Variants in COL25A1 observed in about 807,000 individuals in gnomAD.
COL25A1 encodes the protein collagen type XXV alpha 1 chain, also known as collagen alpha-1(XXV) chain.
In COL25A1, 103 loss-of-function variants were observed where a neutral mutation model predicts 128.4. That is an observed-to-expected ratio of 0.80 (90% CI 0.68 to 0.94). COL25A1 has a LOEUF of 0.94. Ranked by LOEUF, COL25A1 falls within the 40% of genes least tolerant of loss-of-function variation. The pLI, the probability that COL25A1 is intolerant of heterozygous loss-of-function variation, is 0.00. For synonymous variants in COL25A1, 279 were observed against 277.2 expected (o/e 1.01, Z -0.06); for missense variants, 745 against 840.0 (o/e 0.89, Z 1.40).
chr4:109,281,690 A>G (rs1324072550), intron 3 of COL25A1, among the ~76,000 whole-genome samples: 1 of 152,146 alleles, frequency 6.6e-6, no homozygotes, highest in Non-Finnish European at 1.5e-5. Flanking sequence ...TATATGCACA[A>G]AGCTCAATAG....
intron 3 of COL25A1, among the ~76,000 whole-genome samples, chr4:109,258,029 CATT>C (rs752708337): frequency 1.3e-5 from 2 of 152,174 alleles, no homozygotes; most frequent in Non-Finnish European, 2.9e-5. Context: ...TATAAATCAT[CATT>C]GATGCCTTCT....
chr4:109,257,987 T>TA (rs1781186215), intron 3 of COL25A1, among the ~76,000 whole-genome samples: 1 of 152,312 alleles, frequency 6.6e-6, no homozygotes, highest in East Asian at 1.9e-4. Flanking sequence ...GACCACCTGT[T>TA]AGTGATATCC....
At position 108,848,795 on chromosome 4, in the gene COL25A1, C is replaced by T. The variant is rs1735409873; in HGVS notation, c.1398G>A (p.Gln466=). The change falls in exon 27 of 38, where the codon CAG becomes CAA. Residue 466 remains glutamine (Q), a synonymous_variant. Coordinates refer to ENST00000399132, the MANE Select transcript of COL25A1 (RefSeq NM_198721.4). ...CCATTCCTGGGATTCCTGGAGATCC[C>T]TGCTCTCCCTATTAAGATAAAAATA... The part of the protein sequence containing the change: ...PQGLQGPKGE[Q]GSPGIPGMDG... 6.2e-7 allele frequency: 1 copy of T among 1,605,906 alleles called. No individual in the cohort carries two copies. The highest frequency in any genetic ancestry group is 8.5e-7 in the Non-Finnish European group (1 of 1,172,886).
At chr4:108,929,360 G>A (rs967608634) in intron 11 of COL25A1, among the ~76,000 whole-genome samples, 2 of 151,956 alleles carry the variant, frequency 1.3e-5, no homozygotes, top group Non-Finnish European at 2.9e-5. Flanking sequence ...CTGACCTCAG[G>A]TAATTCACCC....
chr4:109,014,447 G>A (rs1194150375), intron 5 of COL25A1, among the ~76,000 whole-genome samples: 1 of 152,154 alleles, frequency 6.6e-6, no homozygotes, highest in Non-Finnish European at 1.5e-5. Context: ...GTTTAGTATA[G>A]TTGTGATATT....
At chr4:108,914,599 C>T (rs921818603) in intron 13 of COL25A1, among the ~76,000 whole-genome samples, 1 of 151,316 alleles carries the variant, frequency 6.6e-6, no homozygotes, top group Non-Finnish European at 1.5e-5. Flanking sequence ...ATGAGGAATT[C>T]ACCTGGCTTT....
At chr4:109,124,796 TA>T (rs963020239) in intron 3 of COL25A1, among the ~76,000 whole-genome samples, 2 of 151,900 alleles carry the variant, frequency 1.3e-5, no homozygotes, top group Admixed American at 6.6e-5. Context: ...AATTCATTCT[TA>T]AAAAAATCAC....
intron 31 of COL25A1, among the ~76,000 whole-genome samples, chr4:108,837,170 A>T (rs1359740828): frequency 6.6e-6 from 1 of 152,238 alleles, no homozygotes; most frequent in African/African-American, 2.4e-5. Flanking sequence ...CATATGGTGG[A>T]TGTATGTAAG....
At chr4:109,042,072 A>AT (rs1245936377) in intron 5 of COL25A1, among the ~76,000 whole-genome samples, 1 of 151,998 alleles carries the variant, frequency 6.6e-6, no homozygotes, top group Non-Finnish European at 1.5e-5. Flanking sequence ...TAAAATTTTA[A>AT]TTTTTTTACT....
intron 29 of COL25A1, 110 bp from the exon 30 acceptor site, chr4:108,844,679 G>C: frequency 0.013 from 14,908 of 1,114,122 alleles, no homozygotes; most frequent in Non-Finnish European, 0.017. Context: ...TGGAGAGGAA[G>C]AAAGATACTA....
chr4:108,877,558 C>G (rs930394560), intron 19 of COL25A1, among the ~76,000 whole-genome samples: 1 of 152,030 alleles, frequency 6.6e-6, no homozygotes, highest in African/African-American at 2.4e-5. Flanking sequence ...TTGACTGAAG[C>G]CACTTCTCCT....
At chr4:108,945,617 A>C (rs754478987) in intron 8 of COL25A1, among the ~76,000 whole-genome samples, 3 of 152,206 alleles carry the variant, frequency 2.0e-5, no homozygotes, top group Admixed American at 1.3e-4. Flanking sequence ...CTCCAGAAAA[A>C]TATGGAGAAA....
chr4:108,900,809 T>C (rs1161256212), intron 14 of COL25A1, among the ~76,000 whole-genome samples: 2 of 152,162 alleles, frequency 1.3e-5, no homozygotes, highest in African/African-American at 4.8e-5. Context: ...TGTTTTTATA[T>C]ACCCACTAAG....
intron 8 of COL25A1, among the ~76,000 whole-genome samples, chr4:108,947,971 C>T (rs1748973122): frequency 6.6e-6 from 1 of 152,264 alleles, no homozygotes; most frequent in East Asian, 1.9e-4. Context: ...AATGTAAATA[C>T]TATCATGATT....
At chr4:108,937,006 T>C (rs1195280949) in intron 11 of COL25A1, among the ~76,000 whole-genome samples, 1 of 151,960 alleles carries the variant, frequency 6.6e-6, no homozygotes, top group Admixed American at 6.6e-5. Context: ...ATGGAAAGTG[T>C]CAAGCTGATT....
At position 109,302,302 on chromosome 4, in the gene COL25A1, C is replaced by A. The variant is rs1371353684; in HGVS notation, c.-190G>T. On this transcript the variant is annotated 5_prime_UTR_variant, in exon 1 of 38. Coordinates refer to ENST00000399132, the MANE Select transcript of COL25A1 (RefSeq NM_198721.4). ...GGGGTAAAAAGCAAGACGAAACCCA[C>A]CCAGACAGCTCTTCCGACTCCCAGA... 4.7e-6 allele frequency: 2 copies of A among 423,700 alleles called. No individual in the cohort carries two copies. The highest frequency in any genetic ancestry group is 7.6e-5 in the East Asian group (2 of 26,372). The allele number at this position is 423,700 out of a possible 1,614,324, so 26.2% of individuals were successfully genotyped here.
rs572848126 is a variant in COL25A1, at chr4:108,835,219, C to T, written c.1657-2786G>A. ...TGATTAAACAATGGCATTTTCAATG[C>T]TTGTTTCAAGAATAAGTACAATTAT... On this transcript the variant is annotated intron_variant, in intron 31 of 37. Transcript: ENST00000399132. Among the ~76,000 whole-genome samples the T allele has an allele frequency of 2.0e-5, 3 of 152,292 alleles. No individual in the cohort carries two copies. The East Asian group carries it at 5.8e-4, about 29-fold the overall frequency.
chr4:109,296,873 T>C lies in COL25A1; in HGVS notation c.367+3710A>G, dbSNP rs17040301. ...CCTGGTTCCCAATGTTCTTTATCAG[T>C]TGAAACATAAAAACCTTCTCATAGA... On this transcript the variant is annotated intron_variant, in intron 3 of 37. Transcript: ENST00000399132. 2.8e-3 allele frequency among the ~76,000 whole-genome samples: 423 copies of C among 152,244 alleles called. 2 individuals are homozygous for C. Among genetic ancestry groups the C allele is most frequent in the African/African-American group, 9.6e-3 (398 of 41,566 alleles).
Position 108,809,344 on chromosome 4 carries a change from T to C in COL25A1, c.*4583A>G, listed in dbSNP as rs935027815. The C allele has an allele frequency of 6.6e-6, 1 of 152,138 alleles. No individual in the cohort carries two copies. Among genetic ancestry groups the C allele is most frequent in the Non-Finnish European group, 1.5e-5 (1 of 67,972 alleles). The allele number at this position is 152,138 out of a possible 1,614,324, so 9.4% of individuals were successfully genotyped here. A position where few individuals can be genotyped will look rare whatever the true frequency, so the allele number is the denominator to read the frequency against. On this transcript the variant is annotated 3_prime_UTR_variant, in exon 38 of 38. Transcript: ENST00000399132. Reference sequence around the variant, plus strand: ...GATACATACATCTTTTAAAATGTTATTAAGTTGAATGAAACATTTACAACA... The same window carrying C: ...GATACATACATCTTTTAAAATGTTACTAAGTTGAATGAAACATTTACAACA...
Sources: allele counts gnomAD v4.1 joint callset (sites outside exome capture counted in the v4.1 genomes callset), GRCh38; gene constraint gnomAD v4.1.1; transcripts MANE v1.5; gene names NCBI Gene and HGNC (gene_info 2026-07-23, HGNC 2026-07-21).